GMDS: variants seen among roughly 807,000 people sequenced by gnomAD.
GMDS encodes the protein GDP-mannose 4,6 dehydratase.
In GMDS, 20 loss-of-function variants were observed where a neutral mutation model predicts 49.9. The ratio of observed to expected loss-of-function variants is 0.40; its 90% CI spans 0.28 to 0.58. GMDS has a LOEUF of 0.58. Ranked by LOEUF, GMDS falls within the 20% of genes least tolerant of loss-of-function variation. GMDS has a pLI of 0.42. For missense variants in GMDS, 362 were observed against 481.4 expected, an observed-to-expected ratio of 0.75 and a Z score of 2.32; for synonymous variants, 177 against 178.6, an observed-to-expected ratio of 0.99 and a Z score of 0.07.
intron 1 of GMDS, among the ~76,000 whole-genome samples, chr6:2,150,746 A>G (rs1776803237): frequency 6.6e-6 from 1 of 152,176 alleles, no homozygotes; most frequent in Admixed American, 6.5e-5. Flanking sequence ...CCATAAACTG[A>G]GTTCTAATTA....
At chr6:2,132,048 C>T (rs1775767816) in intron 1 of GMDS, among the ~76,000 whole-genome samples, 1 of 152,124 alleles carries the variant, frequency 6.6e-6, no homozygotes, top group East Asian at 1.9e-4. Flanking sequence ...TTTAACTCTT[C>T]ATAATAACCC....
chr6:2,062,397 T>C (rs1369196577), intron 4 of GMDS, among the ~76,000 whole-genome samples: 1 of 152,172 alleles, frequency 6.6e-6, no homozygotes, highest in African/African-American at 2.4e-5. Flanking sequence ...ATTGCTGACC[T>C]GAAACATCTG....
chr6:1,976,931 T>C (rs1274706786), intron 4 of GMDS, among the ~76,000 whole-genome samples: 2 of 152,214 alleles, frequency 1.3e-5, no homozygotes, highest in African/African-American at 4.8e-5. Context: ...ATGATTATTC[T>C]ACTACAACGC....
At chr6:1,805,654 T>C (rs553786573) in intron 7 of GMDS, among the ~76,000 whole-genome samples, 202 of 152,344 alleles carry the variant, frequency 1.3e-3, no homozygotes, top group African/African-American at 4.7e-3. Context: ...TTTTTTAAAT[T>C]TTGAAACAAT....
intron 7 of GMDS, among the ~76,000 whole-genome samples, chr6:1,771,695 G>C (rs1395846167): frequency 1.3e-5 from 2 of 152,234 alleles, no homozygotes; most frequent in Non-Finnish European, 2.9e-5. Context: ...CCTGTGAGAT[G>C]TTCGCTGATC....
intron 7 of GMDS, among the ~76,000 whole-genome samples, chr6:1,881,492 T>C (rs1332468890): frequency 1.3e-5 from 2 of 152,210 alleles, no homozygotes; most frequent in African/African-American, 4.8e-5. Flanking sequence ...GCCTAAAGCA[T>C]GTCACCATAA....
At chr6:1,945,613 A>G (rs1763042889) in intron 6 of GMDS, among the ~76,000 whole-genome samples, 1 of 152,072 alleles carries the variant, frequency 6.6e-6, no homozygotes, top group Non-Finnish European at 1.5e-5. Context: ...ATGTCTGTGA[A>G]CCCAATATTC....
At chr6:1,937,194 C>T (rs1295979526) in intron 6 of GMDS, among the ~76,000 whole-genome samples, 7 of 152,122 alleles carry the variant, frequency 4.6e-5, no homozygotes, top group Admixed American at 3.3e-4. Context: ...ACGTCTACAA[C>T]CGTCACACAA....
intron 1 of GMDS, among the ~76,000 whole-genome samples, chr6:2,153,702 G>A (rs1031481498): frequency 7.9e-5 from 12 of 152,114 alleles, no homozygotes; most frequent in Non-Finnish European, 5.9e-5. Context: ...CTGTGATAAG[G>A]TGTTTTCATA....
intron 4 of GMDS, among the ~76,000 whole-genome samples, chr6:1,998,481 A>C (rs1235049902): frequency 6.6e-6 from 1 of 152,204 alleles, no homozygotes; most frequent in African/African-American, 2.4e-5. Context: ...TAATTACACA[A>C]ATCTGAGGAA....
chr6:1,968,153 G>T (rs1236291777), intron 4 of GMDS, among the ~76,000 whole-genome samples: 1 of 152,180 alleles, frequency 6.6e-6, no homozygotes, highest in African/African-American at 2.4e-5. Context: ...ATGTGAAACT[G>T]AACAGAGATG....
At chr6:2,214,131 T>C (rs1272662416) in intron 1 of GMDS, among the ~76,000 whole-genome samples, 2 of 152,060 alleles carry the variant, frequency 1.3e-5, no homozygotes, top group African/African-American at 4.8e-5. Context: ...ACTTCAACAA[T>C]AGGACAACAA....
chr6:2,022,957 G>A (rs1014094687), intron 4 of GMDS, among the ~76,000 whole-genome samples: 14 of 151,934 alleles, frequency 9.2e-5, no homozygotes, highest in Non-Finnish European at 5.9e-5. Flanking sequence ...GTAATTAGAG[G>A]GTTTTTTTAA....
rs765221078 is a variant in GMDS at position 1,624,535 on chromosome 6, A to G, written c.993T>C (p.Phe331=). Residue 331 remains phenylalanine, a synonymous_variant, in exon 10 of 11, where the codon TTT becomes TTC. Coordinates refer to ENST00000380815, the MANE Select transcript of GMDS (RefSeq NM_001500.4). ...TCGCTTTGGTGCAGTCGCCCTGCAG[A>G]AAGTCCTAGGGAAGAAGAGGGGGAG... The part of the protein sequence containing the change: ...LKYYRPTEVD[F]LQGDCTKAKQ... The G allele has an allele frequency of 8.1e-6, 13 of 1,613,352 alleles. No individual in the cohort carries two copies. The highest frequency in any genetic ancestry group is 1.0e-5 in the Non-Finnish European group (12 of 1,179,410).
At chr6:1,837,469 C>A (rs926761664) in intron 7 of GMDS, among the ~76,000 whole-genome samples, 4 of 152,152 alleles carry the variant, frequency 2.6e-5, no homozygotes, top group African/African-American at 9.7e-5. Context: ...CTGTTACTTG[C>A]ATACACGATG....
At chr6:1,845,119 C>T (rs1021584747) in intron 7 of GMDS, among the ~76,000 whole-genome samples, 1 of 152,110 alleles carries the variant, frequency 6.6e-6, no homozygotes, top group African/African-American at 2.4e-5. Flanking sequence ...GAAATAATGG[C>T]AAGACAAATT....
rs866531215 is a variant in GMDS at position 2,165,805 on chromosome 6, T to A, written c.103-41074A>T. Among the ~76,000 whole-genome samples the A allele has an allele frequency of 4.7e-4, 71 of 152,206 alleles. No homozygotes were observed. The Middle Eastern group carries it at 0.01, about 22-fold the overall frequency. On this transcript the variant is annotated intron_variant, in intron 1 of 10. Coordinates refer to ENST00000380815, the MANE Select transcript of GMDS (RefSeq NM_001500.4). Reference sequence around the variant, plus strand: ...ATAAAGGAAGGAATCAAATTCATAATGCAACAAGAGAACACTTTGAAATAA... The same window carrying A: ...ATAAAGGAAGGAATCAAATTCATAAAGCAACAAGAGAACACTTTGAAATAA...
At chr6:1,868,023 G>T (rs145444452) in intron 7 of GMDS, among the ~76,000 whole-genome samples, 1,573 of 150,602 alleles carry the variant, frequency 0.01, 23 homozygotes, top group African/African-American at 0.034. Context: ...GTCTCGCTCT[G>T]TCACCCAGGC....
intron 1 of GMDS, among the ~76,000 whole-genome samples, chr6:2,216,927 G>C (rs1780364651): frequency 6.6e-6 from 1 of 152,100 alleles, no homozygotes; most frequent in South Asian, 2.1e-4. Context: ...CTCACGGAAA[G>C]GGAGCTCAGT....
Sources: gnomAD v4.1 joint callset for allele counts (sites outside exome capture counted in the v4.1 genomes callset) on GRCh38, gnomAD v4.1.1 for gene constraint, MANE v1.5 for transcripts, NCBI Gene and HGNC (gene_info 2026-07-23, HGNC 2026-07-21) for gene names.